Variants in PRKG1 observed in about 807,000 individuals in gnomAD.
The protein encoded by PRKG1 is protein kinase cGMP-dependent 1.
Under a neutral mutation model 88.1 loss-of-function variants are expected in PRKG1, and 35 were observed. The ratio of observed to expected loss-of-function variants is 0.40; its 90% CI spans 0.30 to 0.53. PRKG1 has a LOEUF of 0.53. Ranked by LOEUF, PRKG1 falls within the 20% of genes least tolerant of loss-of-function variation. PRKG1 has a pLI of 0.59. For missense variants in PRKG1, 540 were observed against 839.8 expected, an observed-to-expected ratio of 0.64 and a Z score of 4.41; for synonymous variants, 303 against 292.5, an observed-to-expected ratio of 1.04 and a Z score of -0.37.
chr10:52,211,346 A>G (rs1436632421), intron 9 of PRKG1, among the ~76,000 whole-genome samples: 1 of 152,134 alleles, frequency 6.6e-6, no homozygotes, highest in Non-Finnish European at 1.5e-5. Context: ...TAGTCAAGAA[A>G]TTTTTCGCAA....
chr10:51,010,931 G>T (rs895329899), intron 1 of PRKG1, among the ~76,000 whole-genome samples: 10 of 152,202 alleles, frequency 6.6e-5, no homozygotes, highest in Non-Finnish European at 1.5e-4. Context: ...GACAGACTTT[G>T]ATTCTAGGCT....
At chr10:52,003,701 C>G (rs189138799) in intron 5 of PRKG1, among the ~76,000 whole-genome samples, 32 of 152,336 alleles carry the variant, frequency 2.1e-4, no homozygotes, top group African/African-American at 7.0e-4. Context: ...GACATTTTCT[C>G]TAGCTGAGCA....
chr10:51,336,687 T>C (rs1203869733), intron 2 of PRKG1, among the ~76,000 whole-genome samples: 1 of 152,150 alleles, frequency 6.6e-6, no homozygotes, highest in Non-Finnish European at 1.5e-5. Context: ...CAAAGAAACT[T>C]ATAGTAGTCA....
At chr10:51,848,215 T>G (rs1367980406) in intron 4 of PRKG1, among the ~76,000 whole-genome samples, 1 of 152,208 alleles carries the variant, frequency 6.6e-6, no homozygotes. Context: ...ATTTTTATTC[T>G]TTTTTGCTAA....
At chr10:51,166,457 GATTA>G (rs934413963) in intron 2 of PRKG1, among the ~76,000 whole-genome samples, 95 of 152,142 alleles carry the variant, frequency 6.2e-4, no homozygotes, top group African/African-American at 2.2e-3. Context: ...AGAAAAACAT[GATTA>G]ATAGCGATAA....
Position 51,153,266 on chromosome 10 carries a change from G to A in PRKG1, c.414G>A (p.Glu138=). Residue 138 remains glutamate, a synonymous_variant, in exon 2 of 18, where the codon GAG becomes GAA. Coordinates refer to ENST00000373980, the MANE Select transcript of PRKG1 (RefSeq NM_006258.4). ...QEIVDCMYPV[E]YGKDSCIIKE... ...TTGTGGATTGTATGTACCCGGTGGA[G>A]TATGGCAAGGACAGTTGCATCATCA... 6.2e-7 allele frequency: 1 copy of A among 1,612,558 alleles called. No individual in the cohort carries two copies. Among genetic ancestry groups the A allele is most frequent in the South Asian group, 1.1e-5 (1 of 91,016 alleles).
At chr10:51,756,495 A>AAAT (rs902688372) in intron 3 of PRKG1, among the ~76,000 whole-genome samples, 12 of 151,326 alleles carry the variant, frequency 7.9e-5, no homozygotes, top group Non-Finnish European at 1.2e-4. Flanking sequence ...AAAAAAAAAA[A>AAAT]AAAAAGTCAG....
chr10:51,604,592 A>G (rs1838707144), intron 3 of PRKG1, among the ~76,000 whole-genome samples: 1 of 152,228 alleles, frequency 6.6e-6, no homozygotes, highest in Admixed American at 6.5e-5. Flanking sequence ...CTGTGTGAGG[A>G]GAACCTTATC....
At chr10:51,620,765 A>G (rs1381074040) in intron 3 of PRKG1, among the ~76,000 whole-genome samples, 1 of 151,912 alleles carries the variant, frequency 6.6e-6, no homozygotes, top group Non-Finnish European at 1.5e-5. Context: ...TCCTGATTTT[A>G]CCTAAGAGAA....
intron 2 of PRKG1, among the ~76,000 whole-genome samples, chr10:51,427,279 C>T: frequency 6.6e-6 from 1 of 152,132 alleles, no homozygotes; most frequent in East Asian, 1.9e-4. Flanking sequence ...AAACCCACAG[C>T]TCTACAGTAC....
At chr10:51,838,986 G>A (rs1040031473) in intron 4 of PRKG1, among the ~76,000 whole-genome samples, 8 of 152,080 alleles carry the variant, frequency 5.3e-5, no homozygotes, top group African/African-American at 1.9e-4. Flanking sequence ...TATTTTGAAG[G>A]CAGATTCAAG....
intron 2 of PRKG1, among the ~76,000 whole-genome samples, chr10:51,452,266 G>C (rs983106681): frequency 1.3e-5 from 2 of 151,838 alleles, no homozygotes; most frequent in Admixed American, 1.3e-4. Context: ...TGCAGATTTA[G>C]CTAGTCTAGA....
rs1842778784 is a variant in PRKG1, at chr10:50,991,313, C to CGCG, written c.-64_-63insGGC. ...CTCCGCTGCCGGCTGCCGTCCCAGC[C>CGCG]GCCGCCGCCGCCGCCGCCGCCGCCG... On this transcript the variant is annotated 5_prime_UTR_variant, in exon 1 of 18. Coordinates refer to the PRKG1 transcript ENST00000401604. This position sits in a 1 kb window ranked among gnomAD's most constrained non-coding sequence, Gnocchi z 4.5. The CGCG allele has an allele frequency of 3.7e-6, 3 of 802,818 alleles. No homozygotes were observed. Among genetic ancestry groups the CGCG allele is most frequent in the African/African-American group, 3.6e-5 (2 of 56,294 alleles). The allele number at this position is 802,818 out of a possible 1,614,324, so 49.7% of individuals were successfully genotyped here.
At chr10:52,101,914 G>A (rs1173104257) in intron 7 of PRKG1, among the ~76,000 whole-genome samples, 1 of 152,164 alleles carries the variant, frequency 6.6e-6, no homozygotes, top group Non-Finnish European at 1.5e-5. Context: ...GTCAGCACCA[G>A]GACTTAAGGC....
chr10:51,525,181 G>A (rs906595537), intron 3 of PRKG1, among the ~76,000 whole-genome samples: 1 of 150,546 alleles, frequency 6.6e-6, no homozygotes, highest in Non-Finnish European at 1.5e-5. Context: ...AGGAAGAGGA[G>A]GAGGGAGAGT....
chr10:51,859,364 T>C (rs1378641210), intron 4 of PRKG1, among the ~76,000 whole-genome samples: 2 of 151,646 alleles, frequency 1.3e-5, no homozygotes, highest in Non-Finnish European at 2.9e-5. Flanking sequence ...TTTTTTTTTT[T>C]TTCTTCATGT....
chr10:51,906,191 G>C (rs1842082125), intron 4 of PRKG1, among the ~76,000 whole-genome samples: 1 of 152,172 alleles, frequency 6.6e-6, no homozygotes. Context: ...GACCTGGAAA[G>C]GGAAATAGAG....
intron 3 of PRKG1, among the ~76,000 whole-genome samples, chr10:51,536,188 G>T (rs1340344897): frequency 6.6e-6 from 1 of 152,174 alleles, no homozygotes; most frequent in Admixed American, 6.5e-5. Flanking sequence ...GAAGTTAAGT[G>T]ATCTGCCCAG....
At chr10:51,861,388 A>C (rs967464938) in intron 4 of PRKG1, among the ~76,000 whole-genome samples, 1 of 152,218 alleles carries the variant, frequency 6.6e-6, no homozygotes, top group Non-Finnish European at 1.5e-5. Flanking sequence ...CTTTCTCAGC[A>C]CTGTAACACA....
Sources: gnomAD v4.1 joint callset for allele counts (sites outside exome capture counted in the v4.1 genomes callset) on GRCh38, gnomAD v4.1.1 for gene constraint, Gnocchi (gnomAD v3.1) non-coding constraint, MANE v1.5 for transcripts, NCBI Gene and HGNC (gene_info 2026-07-23, HGNC 2026-07-21) for gene names.